TRIM61: variants seen among roughly 807,000 people sequenced by gnomAD.
TRIM61 encodes tripartite motif containing 61.
Under a neutral mutation model 14.2 loss-of-function variants are expected in TRIM61, and 1 was observed. That is an observed-to-expected ratio of 0.07 (90% CI 0.03 to 0.33). The LOEUF (loss-of-function observed/expected upper bound fraction) is 0.33, where lower values mean the gene tolerates loss of function less well. Among genes scored for constraint, TRIM61 ranks in the 10% least tolerant of loss-of-function variants. The probability of loss-of-function intolerance (pLI) is 0.99; values close to 1 mark genes in which losing one functional copy is unlikely to be tolerated. For synonymous variants in TRIM61, 8 were observed against 71.6 expected (o/e 0.11, Z 4.49); for missense variants, 19 against 202.2 (o/e 0.09, Z 5.49).
chr4:164,975,468 T>A (rs900011271), intron 2 of TRIM61, among the ~76,000 whole-genome samples: 2 of 152,200 alleles, frequency 1.3e-5, no homozygotes, highest in Non-Finnish European at 2.9e-5. Context: ...CTTTAAACAA[T>A]TGCTTTGCTG....
chr4:164,967,266 A>G (rs115855695), intron 3 of TRIM61, among the ~76,000 whole-genome samples: 4 of 152,186 alleles, frequency 2.6e-5, no homozygotes. Flanking sequence ...ATTCACTGTT[A>G]TGTCTACTGA....
chr4:164,958,919 A>G (rs1208748055), intron 3 of TRIM61: 1 of 167,090 alleles, frequency 6.0e-6, no homozygotes. Context: ...ATTCTATTAG[A>G]TAAACTGAGA....
At chr4:164,959,960 G>A (rs1732097436) in intron 3 of TRIM61, among the ~76,000 whole-genome samples, 1 of 152,116 alleles carries the variant, frequency 6.6e-6, no homozygotes, top group South Asian at 2.1e-4. Flanking sequence ...TCTTTAGAAG[G>A]TAATTGGTCA....
intron 3 of TRIM61, among the ~76,000 whole-genome samples, chr4:164,955,577 A>G (rs2111126776): frequency 6.6e-6 from 1 of 151,916 alleles, no homozygotes; most frequent in Non-Finnish European, 1.5e-5. Context: ...TCAAAAAAAA[A>G]AAAAAAAAAA....
chr4:164,957,165 C>A (rs1478088551), intron 3 of TRIM61: 15 of 1,611,684 alleles, frequency 9.3e-6, no homozygotes, highest in Non-Finnish European at 1.3e-5. Context: ...AGACCTTATA[C>A]GCTGACCGGC....
intron 1 of TRIM61, among the ~76,000 whole-genome samples, chr4:164,977,201 T>TTCTC (rs1011637534): frequency 3.9e-5 from 6 of 151,942 alleles, no homozygotes; most frequent in African/African-American, 1.2e-4. Flanking sequence ...GGCTGGTGGG[T>TTCTC]TCTCAACTGG....
At chr4:164,965,429 A>G (rs1244858999) in intron 3 of TRIM61, among the ~76,000 whole-genome samples, 2 of 150,576 alleles carry the variant, frequency 1.3e-5, no homozygotes, top group African/African-American at 4.9e-5. Context: ...TCTCATGCTT[A>G]TAGAATTCTG....
At chr4:164,976,058 C>T (rs887262623) in intron 2 of TRIM61, among the ~76,000 whole-genome samples, 5 of 152,178 alleles carry the variant, frequency 3.3e-5, no homozygotes, top group African/African-American at 1.2e-4. Flanking sequence ...ATCTGGCTTA[C>T]GTGCACGTCC....
chr4:164,977,039 G>C (rs1373526239), intron 1 of TRIM61, among the ~76,000 whole-genome samples: 1 of 152,146 alleles, frequency 6.6e-6, no homozygotes, highest in African/African-American at 2.4e-5. Flanking sequence ...TAGATTCCAA[G>C]CTCTCAGTTT....
intron 3 of TRIM61, among the ~76,000 whole-genome samples, chr4:164,961,671 A>G (rs1353280519): frequency 6.6e-6 from 1 of 152,184 alleles, no homozygotes; most frequent in African/African-American, 2.4e-5. Flanking sequence ...GATGAATATC[A>G]AAAAACACAC....
intron 3 of TRIM61, chr4:164,956,835 A>G (rs758433357): frequency 2.1e-5 from 13 of 606,680 alleles, no homozygotes; most frequent in Non-Finnish European, 3.1e-5. Context: ...CAAGGCTCTC[A>G]AGGGGCTTCA....
intron 2 of TRIM61, among the ~76,000 whole-genome samples, chr4:164,976,276 C>T (rs908772723): frequency 2.0e-5 from 3 of 152,158 alleles, no homozygotes; most frequent in Non-Finnish European, 4.4e-5. Context: ...TCCCCTGGGC[C>T]CACTGTTGTT....
chr4:164,977,125 T>C (rs1732498676), intron 1 of TRIM61, among the ~76,000 whole-genome samples: 1 of 152,102 alleles, frequency 6.6e-6, no homozygotes, highest in South Asian at 2.1e-4. Context: ...AAATGATAAT[T>C]CGTACCTGTA....
At chr4:164,957,494 T>C (rs757294347) in intron 3 of TRIM61, 6 of 1,600,080 alleles carry the variant, frequency 3.7e-6, no homozygotes, top group Non-Finnish European at 5.1e-6. Context: ...ACCTGTCCTA[T>C]AGAGCAGGCT....
At chr4:164,956,825 C>T in intron 3 of TRIM61, 1 of 587,194 alleles carries the variant, frequency 1.7e-6, no homozygotes, top group Middle Eastern at 4.5e-4. Flanking sequence ...TCACAGAACA[C>T]AAGGCTCTCA....
chr4:164,962,967 G>T (rs953791328), intron 3 of TRIM61, among the ~76,000 whole-genome samples: 1 of 152,020 alleles, frequency 6.6e-6, no homozygotes, highest in Non-Finnish European at 1.5e-5. Flanking sequence ...TTTAAAGGAG[G>T]CCCCAAATTA....
At chr4:164,961,153 CAAAAAAAAAAA>C (rs762554625) in intron 3 of TRIM61, among the ~76,000 whole-genome samples, 1,353 of 31,516 alleles carry the variant, frequency 0.043, 25 homozygotes, top group African/African-American at 0.13. Context: ...AACTCTCAGG[CAAAAAAAAAAA>C]AAAAAAAAAA....
intron 3 of TRIM61, among the ~76,000 whole-genome samples, chr4:164,967,416 A>G (rs777846154): frequency 3.9e-5 from 6 of 152,236 alleles, no homozygotes; most frequent in Admixed American, 6.5e-5. Context: ...GAATTAACAG[A>G]ATAAACCTAA....
intron 3 of TRIM61, chr4:164,956,975 G>T: frequency 6.9e-7 from 1 of 1,444,366 alleles, no homozygotes; most frequent in Admixed American, 2.8e-5. Flanking sequence ...AGACCGTGAA[G>T]GTGTGGCGCG....
Sources: allele counts gnomAD v4.1 joint callset (sites outside exome capture counted in the v4.1 genomes callset), GRCh38; gene constraint gnomAD v4.1.1; transcripts MANE v1.5; gene names NCBI Gene and HGNC (gene_info 2026-07-23, HGNC 2026-07-21).